OSGEPL1: variants seen among roughly 807,000 people sequenced by gnomAD.
OSGEPL1 encodes tRNA N6-adenosine threonylcarbamoyltransferase, mitochondrial.
A neutral mutation model predicts 37.2 loss-of-function variants in OSGEPL1; 26 were observed. The observed-to-expected ratio is 0.70, with a 90% CI of 0.51 to 0.97. The LOEUF (loss-of-function observed/expected upper bound fraction) is 0.97, where lower values mean the gene tolerates loss of function less well. Among genes scored for constraint, OSGEPL1 ranks in the 50% least tolerant of loss-of-function variants. OSGEPL1 has a pLI of 0.00. For missense variants in OSGEPL1, 404 were observed against 487.0 expected, an observed-to-expected ratio of 0.83 and a Z score of 1.60; for synonymous variants, 140 against 159.9, an observed-to-expected ratio of 0.88 and a Z score of 0.94.
Position 189,746,801 on chromosome 2 carries a change from A to C in OSGEPL1, c.*396T>G. The C allele has an allele frequency of 1.4e-6, 1 of 689,830 alleles. No homozygotes were observed. The highest frequency in any genetic ancestry group is 2.2e-6 in the Non-Finnish European group (1 of 464,012). 42.7% of individuals were successfully genotyped at this position (689,830 alleles called of 1,614,324 possible). A position where few individuals can be genotyped will look rare whatever the true frequency, so the allele number is the denominator to read the frequency against. On this transcript the variant is annotated 3_prime_UTR_variant, in exon 9 of 9. Transcript: ENST00000264151. ...CTACAGGAATTTAGTGTCAGGTCAGAGTTATGGTTTCAAAAAATTAGGATT... is the reference window on the plus strand; with the variant it reads ...CTACAGGAATTTAGTGTCAGGTCAGCGTTATGGTTTCAAAAAATTAGGATT...
rs1559177914 is a variant in OSGEPL1, at chr2:189,761,215, ACAGGATTAGT to A, written c.221+195_221+204del. 4 of 394,606 alleles carry A rather than the reference ACAGGATTAGT, an allele frequency of 1.0e-5. No homozygotes were observed. In the East Asian group the frequency reaches 1.6e-4, roughly 16 times the overall value. 24.4% of individuals were successfully genotyped at this position (394,606 alleles called of 1,614,324 possible). A position where few individuals can be genotyped will look rare whatever the true frequency, so the allele number is the denominator to read the frequency against. ...GGAATGAGCTCAGTTTCTTTTGGCA[ACAGGATTAGT>A]TAAGGTTGGGACCTTATTGTGAAGA... On this transcript the variant is annotated intron_variant, in intron 2 of 8. Coordinates refer to ENST00000264151, the MANE Select transcript of OSGEPL1 (RefSeq NM_022353.3).
intron 5 of OSGEPL1, among the ~76,000 whole-genome samples, chr2:189,753,310 AATT>A (rs2045581425): frequency 6.6e-6 from 1 of 152,152 alleles, no homozygotes; most frequent in Admixed American, 6.5e-5. Flanking sequence ...ACTCTGAAAA[AATT>A]ATTCTTTGAT....
intron 2 of OSGEPL1, 33 bp from the exon 3 acceptor site, chr2:189,755,593 T>C: frequency 1.3e-6 from 2 of 1,567,684 alleles, no homozygotes; most frequent in Middle Eastern, 1.7e-4. Context: ...TTTGTAGTTT[T>C]AAGATTGTAA....
chr2:189,749,042 C>T (rs1418174572), intron 8 of OSGEPL1, among the ~76,000 whole-genome samples: 2 of 151,802 alleles, frequency 1.3e-5, no homozygotes, highest in Non-Finnish European at 2.9e-5. Flanking sequence ...GTCAGGAGTT[C>T]GAGACCAGCC....
chr2:189,757,061 TTAA>T (rs1395044044), intron 2 of OSGEPL1, among the ~76,000 whole-genome samples: 1 of 152,218 alleles, frequency 6.6e-6, no homozygotes, highest in Non-Finnish European at 1.5e-5. Flanking sequence ...TCTCAAAGAA[TTAA>T]TAATAACAAT....
chr2:189,760,429 C>T (rs1165270464), intron 2 of OSGEPL1, among the ~76,000 whole-genome samples: 1 of 152,166 alleles, frequency 6.6e-6, no homozygotes, highest in Admixed American at 6.5e-5. Flanking sequence ...GGGCGCCCCC[C>T]ACCTCCCAAG....
intron 2 of OSGEPL1, among the ~76,000 whole-genome samples, chr2:189,760,791 C>T (rs2046933225): frequency 6.7e-6 from 1 of 149,208 alleles, no homozygotes; most frequent in Middle Eastern, 3.4e-3. Flanking sequence ...CTCTGTCTCA[C>T]CAAAAAAAAA....
At chr2:189,761,731 T>C (rs988281464) in intron 1 of OSGEPL1, 71 bp from the exon 2 acceptor site, 2 of 1,394,214 alleles carry the variant, frequency 1.4e-6, no homozygotes, top group Non-Finnish European at 1.9e-6. Flanking sequence ...CAATATATAG[T>C]TTTACAGAAT....
At position 189,761,480 on chromosome 2, in the gene OSGEPL1, A is replaced by G; in HGVS notation, c.161T>C (p.Val54Ala). ...TSCDDTAAAV[V>A]DETGNVLGEA... ...TCCCAACACATTTCCAGTTTCATCC[A>G]CCACAGCAGCTGCTGTATCATCACA... The change falls in exon 2 of 9, where the codon GTG (valine) becomes GCG (alanine). Residue 54 changes from valine to alanine, a missense_variant. Transcript: ENST00000264151. 1 of 1,612,884 alleles carries G rather than the reference A, an allele frequency of 6.2e-7. No homozygotes were observed. The highest frequency in any genetic ancestry group is 8.5e-7 in the Non-Finnish European group (1 of 1,179,460).
At chr2:189,758,249 C>T (rs550850201) in intron 2 of OSGEPL1, among the ~76,000 whole-genome samples, 5 of 152,104 alleles carry the variant, frequency 3.3e-5, no homozygotes, top group South Asian at 4.2e-4. Context: ...GGCATGGTGG[C>T]GCATGCCTAT....
rs1284986373 is a variant in OSGEPL1 at position 189,746,760 on chromosome 2, A to G, written c.*437T>C. 1.0e-6 allele frequency: 1 copy of G among 1,000,430 alleles called. No individual in the cohort carries two copies. Among genetic ancestry groups the G allele is most frequent in the Non-Finnish European group, 1.4e-6 (1 of 719,016 alleles). 62.0% of individuals were successfully genotyped at this position (1,000,430 alleles called of 1,614,324 possible). A position where few individuals can be genotyped will look rare whatever the true frequency, so the allele number is the denominator to read the frequency against. The stretch of plus-strand genomic sequence containing the variant: ...AGTTCTTGATCTCGATACTAAGCAG[A>G]TTTTCCTTAGCATGTCTACAGGAAT... On this transcript the variant is annotated 3_prime_UTR_variant, in exon 9 of 9. Transcript: ENST00000264151.
Position 189,750,681 on chromosome 2 carries a change from AT to A in OSGEPL1, c.1167-26del, listed in dbSNP as rs757510050. On this transcript the variant is annotated intron_variant, in intron 7 of 8. Coordinates refer to ENST00000264151, the MANE Select transcript of OSGEPL1 (RefSeq NM_022353.3). Reference sequence around the variant, plus strand: ...TCTACATCATAAGCAGACAAATCGTATTATTTATTTGCTTCATGATCCATCA... The same window carrying A: ...TCTACATCATAAGCAGACAAATCGTATATTTATTTGCTTCATGATCCATCA... 4.4e-5 allele frequency: 67 copies of A among 1,538,870 alleles called. No individual in the cohort carries two copies. The African/African-American group carries it at 8.4e-4, about 19-fold the overall frequency.
At chr2:189,756,141 C>T (rs896106786) in intron 2 of OSGEPL1, among the ~76,000 whole-genome samples, 6 of 152,124 alleles carry the variant, frequency 3.9e-5, no homozygotes, top group African/African-American at 1.2e-4. Flanking sequence ...TTTATAAAGA[C>T]GACGAGTTTA....
Position 189,746,742 on chromosome 2 carries a change from G to T in OSGEPL1, c.*455C>A. ...ATAATCTTTTTGAATGAAAGTTCTT[G>T]ATCTCGATACTAAGCAGATTTTCCT... On this transcript the variant is annotated 3_prime_UTR_variant, in exon 9 of 9. Transcript: ENST00000264151. 1 of 1,147,264 alleles carries T rather than the reference G, an allele frequency of 8.7e-7. No homozygotes were observed. Among genetic ancestry groups the T allele is most frequent in the Non-Finnish European group, 1.2e-6 (1 of 846,288 alleles). The allele number at this position is 1,147,264 out of a possible 1,614,324, so 71.1% of individuals were successfully genotyped here.
intron 3 of OSGEPL1, chr2:189,754,964 A>G (rs960767745): frequency 6.7e-6 from 4 of 599,074 alleles, no homozygotes; most frequent in Non-Finnish European, 8.4e-6. Flanking sequence ...ATGTACAGAT[A>G]TGAACCTCTT....
At position 189,752,637 on chromosome 2, in the gene OSGEPL1, G is replaced by A. The variant is rs745642942; in HGVS notation, c.1166+16C>T. 1.2e-6 allele frequency: 2 copies of A among 1,612,952 alleles called. No homozygotes were observed. Among genetic ancestry groups the A allele is most frequent in the East Asian group, 4.5e-5 (2 of 44,858 alleles). On this transcript the variant is annotated intron_variant, in intron 7 of 8. Transcript: ENST00000264151. Reference sequence around the variant, plus strand: ...GTAATGTAACTTGCATAAAGATCATGAATGATACCACATACTTTGGTTCAT... The same window carrying A: ...GTAATGTAACTTGCATAAAGATCATAAATGATACCACATACTTTGGTTCAT...
chr2:189,752,522 T>C, intron 7 of OSGEPL1, 131 bp downstream of exon 7: 2 of 826,440 alleles, frequency 2.4e-6, no homozygotes, highest in Non-Finnish European at 3.8e-6. Flanking sequence ...ACTAGGTTCA[T>C]GAAAGAAATT....
rs763471552 is a variant in OSGEPL1 at position 189,753,968 on chromosome 2, G to A, written c.911C>T (p.Ala304Val). The A allele has an allele frequency of 6.2e-7, 1 of 1,613,744 alleles. No homozygotes were observed. Among genetic ancestry groups the A allele is most frequent in the African/African-American group, 1.3e-5 (1 of 75,036 alleles). The part of the protein sequence containing the change: ...ACHLVKRTHR[A>V]ILFCKQRDLL... ...GTCTCTCTGCTTACAAAACAGAATA[G>A]CCCGATGTGTTCTTTTCACAAGATG... Residue 304 changes from alanine to valine, a missense_variant, in exon 5 of 9, where the codon GCT becomes GTT. By Grantham distance (64) the Ala-to-Val change is moderately conservative (BLOSUM62 0). Coordinates refer to ENST00000264151, the MANE Select transcript of OSGEPL1 (RefSeq NM_022353.3).
chr2:189,755,442 T>C lies in OSGEPL1; in HGVS notation c.340A>G (p.Thr114Ala). Reference sequence around the variant, plus strand: ...AAAGCAAGTCCTGGTTTTATGGTAGTTGCAATTGCTGAGAGGTCACTTGGA... The same window carrying C: ...AAAGCAAGTCCTGGTTTTATGGTAGCTGCAATTGCTGAGAGGTCACTTGGA... Reference protein sequence around the residue: ...VSPSDLSAIATTIKPGLALSL... With the variant: ...VSPSDLSAIAATIKPGLALSL... The change falls in exon 3 of 9, where the codon ACT (threonine) becomes GCT (alanine). Residue 114 changes from threonine (T) to alanine (A), a missense_variant. By Grantham distance (58) the Thr-to-Ala change is moderately conservative. Transcript: ENST00000264151. 6.2e-7 allele frequency: 1 copy of C among 1,607,918 alleles called. No individual in the cohort carries two copies. The highest frequency in any genetic ancestry group is 1.1e-5 in the South Asian group (1 of 89,900).
Sources: allele counts gnomAD v4.1 joint callset (sites outside exome capture counted in the v4.1 genomes callset), GRCh38; gene constraint gnomAD v4.1.1; transcripts MANE v1.5; gene names NCBI Gene and HGNC (gene_info 2026-07-23, HGNC 2026-07-21).